The following PRKAR1B variants were observed in gnomAD, a reference collection of about 807,000 sequenced individuals.
PRKAR1B encodes cAMP-dependent protein kinase type I-beta regulatory subunit.
A neutral mutation model predicts 46.5 loss-of-function variants in PRKAR1B; 22 were observed. The observed-to-expected ratio is 0.47, with a 90% CI of 0.34 to 0.68. The LOEUF is 0.68. Ranked by LOEUF, PRKAR1B falls within the 30% of genes least tolerant of loss-of-function variation. The pLI is 0.01. For missense variants in PRKAR1B, 445 were observed against 535.6 expected (o/e 0.83, Z 1.67); for synonymous variants, 259 against 217.7 (o/e 1.19, Z -1.67).
At chr7:589,558 T>C (rs1780863391) in intron 7 of PRKAR1B, among the ~76,000 whole-genome samples, 1 of 151,980 alleles carries the variant, frequency 6.6e-6, no homozygotes, top group African/African-American at 2.4e-5. Context: ...CTCCACTCTA[T>C]GGAAGAAACA....
At chr7:638,823 TC>T (rs1164549685) in intron 4 of PRKAR1B, among the ~76,000 whole-genome samples, 1 of 152,186 alleles carries the variant, frequency 6.6e-6, no homozygotes, top group Non-Finnish European at 1.5e-5. Context: ...ACGCCTGTAG[TC>T]CCAGCACTTT....
intron 8 of PRKAR1B, among the ~76,000 whole-genome samples, chr7:583,772 ACTCACGTGTACACCCAT>A (rs1780432628): frequency 7.4e-6 from 1 of 134,382 alleles, no homozygotes; most frequent in African/African-American, 2.9e-5. Flanking sequence ...ACCCATGCAC[ACTCACGTGTACACCCAT>A]GTGCACTCAC....
intron 2 of PRKAR1B, among the ~76,000 whole-genome samples, chr7:702,568 A>C (rs1348829134): frequency 1.3e-5 from 2 of 152,220 alleles, no homozygotes; most frequent in African/African-American, 4.8e-5. Flanking sequence ...TCACACCTGT[A>C]ATCTCAGCAC....
At chr7:682,766 A>G (rs1045646719) in intron 2 of PRKAR1B, among the ~76,000 whole-genome samples, 2 of 152,078 alleles carry the variant, frequency 1.3e-5, no homozygotes, top group African/African-American at 2.4e-5. Context: ...AATTGTTTTA[A>G]GGAAAAGAGA....
At chr7:663,361 T>C (rs981010561) in intron 4 of PRKAR1B, among the ~76,000 whole-genome samples, 6 of 152,148 alleles carry the variant, frequency 3.9e-5, no homozygotes, top group African/African-American at 1.4e-4. Flanking sequence ...CCTGAGTAGC[T>C]GCAACTACAG....
At chr7:679,892 C>A (rs1778559778) in intron 3 of PRKAR1B, among the ~76,000 whole-genome samples, 1 of 152,174 alleles carries the variant, frequency 6.6e-6, no homozygotes, top group Admixed American at 6.5e-5. Flanking sequence ...GGCATGGTGG[C>A]TCACGCCCGT....
intron 7 of PRKAR1B, among the ~76,000 whole-genome samples, chr7:595,344 C>T (rs536385685): frequency 4.6e-5 from 7 of 152,332 alleles, no homozygotes; most frequent in African/African-American, 1.2e-4. Context: ...CGCCCCACTC[C>T]GTCTGCCTCC....
At position 727,097 on chromosome 7, in the gene PRKAR1B, C is replaced by T. The variant is rs1781342040; in HGVS notation, c.-23+113G>A. On this transcript the variant is annotated intron_variant, in intron 1 of 10. Coordinates refer to ENST00000537384, the MANE Select transcript of PRKAR1B (RefSeq NM_001164760.2). The stretch of plus-strand genomic sequence containing the variant: ...CTGCCCGCGCTCGCCGCGCGCTTGG[C>T]CGGCCCCGTGCCCGCGCGCCGCCCG... 8 of 1,068,924 alleles carry T rather than the reference C, an allele frequency of 7.5e-6. No individual in the cohort carries two copies. The South Asian group carries it at 1.3e-4, about 17-fold the overall frequency. 66.2% of individuals were successfully genotyped at this position (1,068,924 alleles called of 1,614,324 possible).
chr7:681,205 T>A (rs564229286), intron 2 of PRKAR1B, among the ~76,000 whole-genome samples: 50 of 152,060 alleles, frequency 3.3e-4, no homozygotes, highest in Middle Eastern at 3.4e-3. Context: ...GATCATAAGT[T>A]TCCTGAGGCC....
Position 630,686 on chromosome 7 carries a change from G to C in PRKAR1B, c.441-23234C>G, listed in dbSNP as rs572612478. 3.9e-5 allele frequency among the ~76,000 whole-genome samples: 6 copies of C among 152,328 alleles called. No homozygotes were observed. In the East Asian group the frequency reaches 7.7e-4, roughly 20 times the overall value. On this transcript the variant is annotated intron_variant, in intron 4 of 10. Coordinates refer to ENST00000537384, the MANE Select transcript of PRKAR1B (RefSeq NM_001164760.2). Reference sequence around the variant, plus strand: ...GCCAGGCTCATGTTAAAGACGCCCAGGGGATGTGCCATAGGCACTGCATCA... The same window carrying C: ...GCCAGGCTCATGTTAAAGACGCCCACGGGATGTGCCATAGGCACTGCATCA...
At position 590,475 on chromosome 7, in the gene PRKAR1B, C is replaced by T. The variant is rs926384182; in HGVS notation, c.708+5671G>A. On this transcript the variant is annotated intron_variant, in intron 7 of 10. Transcript: ENST00000537384. ...GACCAAGAGACCAGCAGGGTGGGGGCGGGGCCCCGAGAGATGGGCACTTGG... is the reference window on the plus strand; with the variant it reads ...GACCAAGAGACCAGCAGGGTGGGGGTGGGGCCCCGAGAGATGGGCACTTGG... Among the ~76,000 whole-genome samples, 93 of 151,874 alleles carry T rather than the reference C, an allele frequency of 6.1e-4. 2 individuals carry two copies. Among genetic ancestry groups the T allele is most frequent in the African/African-American group, 2.1e-3 (85 of 41,394 alleles).
chr7:724,605 A>G (rs1472335168), intron 1 of PRKAR1B, among the ~76,000 whole-genome samples: 1 of 152,198 alleles, frequency 6.6e-6, no homozygotes, highest in African/African-American at 2.4e-5. Flanking sequence ...AAAATGGACT[A>G]ATACACTGTG....
chr7:634,006 T>A (rs539217861), intron 4 of PRKAR1B, among the ~76,000 whole-genome samples: 17 of 152,046 alleles, frequency 1.1e-4, no homozygotes, highest in African/African-American at 3.9e-4. Flanking sequence ...TGAGACCCCA[T>A]CTGTACAAGA....
At chr7:715,423 C>T (rs573060609) in intron 1 of PRKAR1B, among the ~76,000 whole-genome samples, 4 of 152,082 alleles carry the variant, frequency 2.6e-5, no homozygotes, top group Admixed American at 6.6e-5. Flanking sequence ...CGGTCGCCAC[C>T]CTGCCACACG....
intron 4 of PRKAR1B, among the ~76,000 whole-genome samples, chr7:633,471 A>G (rs924319176): frequency 2.0e-5 from 3 of 152,204 alleles, no homozygotes; most frequent in Non-Finnish European, 2.9e-5. Context: ...TCAGATTTAA[A>G]AAGTAATACA....
chr7:589,150 T>A (rs1472510992), intron 7 of PRKAR1B, among the ~76,000 whole-genome samples: 1 of 150,872 alleles, frequency 6.6e-6, no homozygotes, highest in Non-Finnish European at 1.5e-5. Flanking sequence ...TACCCATGAC[T>A]CCCCATGCCC....
chr7:623,094 G>A (rs142514273), intron 4 of PRKAR1B, among the ~76,000 whole-genome samples: 26 of 152,238 alleles, frequency 1.7e-4, no homozygotes, highest in African/African-American at 5.8e-4. Context: ...GGATCCCAGC[G>A]CCCCAGACAC....
chr7:592,083 C>T (rs1583263627), intron 7 of PRKAR1B, among the ~76,000 whole-genome samples: 2 of 152,190 alleles, frequency 1.3e-5, no homozygotes, highest in Non-Finnish European at 2.9e-5. Context: ...CCAGGGCCTC[C>T]GTGAGGTGGA....
At chr7:686,891 C>T (rs926313078) in intron 2 of PRKAR1B, among the ~76,000 whole-genome samples, 5 of 152,148 alleles carry the variant, frequency 3.3e-5, no homozygotes, top group Non-Finnish European at 7.3e-5. Flanking sequence ...AAAACTGGAA[C>T]TTATGGCCTG....
Sources: gnomAD v4.1 joint callset for allele counts (sites outside exome capture counted in the v4.1 genomes callset) on GRCh38, gnomAD v4.1.1 for gene constraint, MANE v1.5 for transcripts, NCBI Gene and HGNC (gene_info 2026-07-23, HGNC 2026-07-21) for gene names.